Variants in KIRREL3 observed in about 807,000 individuals in gnomAD.
KIRREL3 encodes kin of IRRE-like protein 3.
KIRREL3 carries 36 observed loss-of-function variants against 89.7 expected under a neutral mutation model. That is an observed-to-expected ratio of 0.40 (90% CI 0.31 to 0.53). KIRREL3 has a LOEUF of 0.53. Among genes scored for constraint, KIRREL3 ranks in the 20% least tolerant of loss-of-function variants. The pLI is 0.49. For missense variants in KIRREL3, 864 were observed against 1,056.6 expected (o/e 0.82, Z 2.53); for synonymous variants, 445 against 441.4 (o/e 1.01, Z -0.10).
chr11:126,525,359 G>A lies in KIRREL3; in HGVS notation c.283+1179C>T, dbSNP rs1958717894. Among the ~76,000 whole-genome samples the A allele has an allele frequency of 1.3e-5, 2 of 152,208 alleles. No individual in the cohort carries two copies. The highest frequency in any genetic ancestry group is 1.3e-4 in the Admixed American group (2 of 15,286). Reference sequence around the variant, plus strand: ...TAGGGTAAAGGCGTTCGGAGTCTCTGAAATTGGCTGGTTCCCATAACAGTT... The same window carrying A: ...TAGGGTAAAGGCGTTCGGAGTCTCTAAAATTGGCTGGTTCCCATAACAGTT... On this transcript the variant is annotated intron_variant, in intron 3 of 16. Transcript: ENST00000525144. The surrounding 1 kb of genome is among the most constrained non-coding windows in gnomAD (Gnocchi z 5.4).
chr11:126,845,676 T>C (rs1183991883), intron 1 of KIRREL3, among the ~76,000 whole-genome samples: 3 of 152,186 alleles, frequency 2.0e-5, no homozygotes, highest in Non-Finnish European at 4.4e-5. Flanking sequence ...GCTTAGAGAA[T>C]GGGTTATTCT....
At position 126,459,990 on chromosome 11, in the gene KIRREL3, G is replaced by T. The variant is rs1158415133; in HGVS notation, c.742+3167C>A. Among the ~76,000 whole-genome samples the T allele has an allele frequency of 6.6e-6, 1 of 152,164 alleles. No homozygotes were observed. ...CTTTTGCTGAGTTTGGATGCTTCTTGGTTGACTGAGAAAATGAGCAGGTTC... is the reference window on the plus strand; with the variant it reads ...CTTTTGCTGAGTTTGGATGCTTCTTTGTTGACTGAGAAAATGAGCAGGTTC... On this transcript the variant is annotated intron_variant, in intron 6 of 16. Coordinates refer to ENST00000525144, the MANE Select transcript of KIRREL3 (RefSeq NM_032531.4). The surrounding 1 kb of genome is among the most constrained non-coding windows in gnomAD (Gnocchi z 4.8).
In KIRREL3 at chr11:126,995,207, C is replaced by T; in HGVS notation, c.55+5248G>A. ...CCCCCAGAGCAGCTGCTCCCACCGA[C>T]CCTGCTCCAAGAGTGCTGGGATGTC... is the stretch of plus-strand genomic sequence containing the variant. On this transcript the variant is annotated intron_variant, in intron 1 of 16. Transcript: ENST00000525144. This position sits in a 1 kb window ranked among gnomAD's most constrained non-coding sequence, Gnocchi z 6.5. 2.2e-6 allele frequency: 1 copy of T among 456,230 alleles called. No individual in the cohort carries two copies. The highest frequency in any genetic ancestry group is 4.4e-6 in the Non-Finnish European group (1 of 226,958). The allele number at this position is 456,230 out of a possible 1,614,324, so 28.3% of individuals were successfully genotyped here.
In KIRREL3 at chr11:126,748,772, A is replaced by G. The variant is rs1209040470; in HGVS notation, c.56-185860T>C. 6.6e-6 allele frequency among the ~76,000 whole-genome samples: 1 copy of G among 152,194 alleles called. No individual in the cohort carries two copies. Among genetic ancestry groups the G allele is most frequent in the Non-Finnish European group, 1.5e-5 (1 of 68,026 alleles). On this transcript the variant is annotated intron_variant, in intron 1 of 16. Coordinates refer to ENST00000525144, the MANE Select transcript of KIRREL3 (RefSeq NM_032531.4). This position sits in a 1 kb window ranked among gnomAD's most constrained non-coding sequence, Gnocchi z 4.6. The stretch of plus-strand genomic sequence containing the variant: ...GTGATAAAAGCCTCTCTGCCCACCG[A>G]AACTGTGCATGGGATCCTTTTGTAA...
At chr11:126,503,708 A>T (rs1199315484) in intron 4 of KIRREL3, among the ~76,000 whole-genome samples, 1 of 152,174 alleles carries the variant, frequency 6.6e-6, no homozygotes, top group Non-Finnish European at 1.5e-5. Context: ...AATTAAGCTC[A>T]TCAGGGTGGA....
rs561558109 is a variant in KIRREL3, at chr11:126,609,317, G to A, written c.56-46405C>T. On this transcript the variant is annotated intron_variant, in intron 1 of 16. Coordinates refer to ENST00000525144, the MANE Select transcript of KIRREL3 (RefSeq NM_032531.4). The surrounding 1 kb of genome is among the most constrained non-coding windows in gnomAD (Gnocchi z 5.0). ...GAGGGCTAATGTATGTCTTCCCCCC[G>A]GGCTGGTGGCTGGGTTAATTGGACC... Among the ~76,000 whole-genome samples, 20 of 152,248 alleles carry A rather than the reference G, an allele frequency of 1.3e-4. No homozygotes were observed. Among genetic ancestry groups the A allele is most frequent in the African/African-American group, 3.9e-4 (16 of 41,542 alleles).
chr11:126,827,125 AC>A (rs1341199051), intron 1 of KIRREL3, among the ~76,000 whole-genome samples: 5 of 150,888 alleles, frequency 3.3e-5, no homozygotes, highest in African/African-American at 1.2e-4. Context: ...AATGACATTC[AC>A]CCCTCAGAGC....
intron 1 of KIRREL3, among the ~76,000 whole-genome samples, chr11:126,582,435 T>G (rs150369201): frequency 6.6e-6 from 1 of 152,288 alleles, no homozygotes; most frequent in East Asian, 1.9e-4. Flanking sequence ...GAAGCAATAA[T>G]CCAGACACGG....
rs1228556668 is a variant in KIRREL3 at position 126,491,380 on chromosome 11, G to C, written c.434-17914C>G. On this transcript the variant is annotated intron_variant, in intron 4 of 16. Transcript: ENST00000525144. This position sits in a 1 kb window ranked among gnomAD's most constrained non-coding sequence, Gnocchi z 5.5. Reference sequence around the variant, plus strand: ...ATGGGTGGGGACACTTGCTCTCAGGGGGAAAGAAAGCGCCCTCTCTTCCTG... The same window carrying C: ...ATGGGTGGGGACACTTGCTCTCAGGCGGAAAGAAAGCGCCCTCTCTTCCTG... Among the ~76,000 whole-genome samples the C allele has an allele frequency of 2.6e-5, 4 of 152,188 alleles. No individual in the cohort carries two copies. The highest frequency in any genetic ancestry group is 1.3e-4 in the Admixed American group (2 of 15,284).
intron 1 of KIRREL3, among the ~76,000 whole-genome samples, chr11:126,914,571 C>T (rs1424980968): frequency 1.3e-5 from 2 of 152,190 alleles, no homozygotes; most frequent in African/African-American, 4.8e-5. Flanking sequence ...ATAGAGTTAA[C>T]AGCAGACAGG....
chr11:126,610,492 C>A lies in KIRREL3; in HGVS notation c.56-47580G>T, dbSNP rs1050310512. Among the ~76,000 whole-genome samples the A allele has an allele frequency of 6.6e-6, 1 of 152,210 alleles. No homozygotes were observed. The highest frequency in any genetic ancestry group is 1.5e-5 in the Non-Finnish European group (1 of 68,044). The stretch of plus-strand genomic sequence containing the variant: ...GGACATACTTAGGATGATAGACTAA[C>A]CTGGCCCAGCCTGCAACCTCATGGG... On this transcript the variant is annotated intron_variant, in intron 1 of 16. Transcript: ENST00000525144. This position sits in a 1 kb window ranked among gnomAD's most constrained non-coding sequence, Gnocchi z 4.6.
At chr11:126,942,227 G>A (rs1422150551) in intron 1 of KIRREL3, among the ~76,000 whole-genome samples, 1 of 152,062 alleles carries the variant, frequency 6.6e-6, no homozygotes, top group African/African-American at 2.4e-5. Flanking sequence ...TAATAAAATT[G>A]GAATAATAGT....
Position 126,718,348 on chromosome 11 carries a change from G to A in KIRREL3, c.56-155436C>T, listed in dbSNP as rs181018736. Among the ~76,000 whole-genome samples, 219 of 151,448 alleles carry A rather than the reference G, an allele frequency of 1.4e-3. 3 individuals carry two copies. Among genetic ancestry groups the A allele is most frequent in the African/African-American group, 5.0e-3 (206 of 40,928 alleles). On this transcript the variant is annotated intron_variant, in intron 1 of 16. Coordinates refer to ENST00000525144, the MANE Select transcript of KIRREL3 (RefSeq NM_032531.4). ...AGATCCTAGCTGCATGCAGGTGCAAGTTGCGGAACCCAACTCCAAGAGGCT... is the reference window on the plus strand; with the variant it reads ...AGATCCTAGCTGCATGCAGGTGCAAATTGCGGAACCCAACTCCAAGAGGCT...
At position 126,551,619 on chromosome 11, in the gene KIRREL3, G is replaced by A. The variant is rs1939268960; in HGVS notation, c.133+11216C>T. ...GTCCAGTGCACTGTATTGCATGAAT[G>A]TCTCCCAGGGTGAGGCCACTCAGGT... is the stretch of plus-strand genomic sequence containing the variant. On this transcript the variant is annotated intron_variant, in intron 2 of 16. Transcript: ENST00000525144. This position sits in a 1 kb window ranked among gnomAD's most constrained non-coding sequence, Gnocchi z 4.9. Among the ~76,000 whole-genome samples, 1 of 150,632 alleles carries A rather than the reference G, an allele frequency of 6.6e-6. No individual in the cohort carries two copies. The highest frequency in any genetic ancestry group is 6.6e-5 in the Admixed American group (1 of 15,148).
Position 126,805,101 on chromosome 11 carries a change from T to G in KIRREL3, c.55+195354A>C, listed in dbSNP as rs1185622615. ...GTAACCTGCAATGTTTTCGTAGGTGTGTGGTAACCTGCAATGAAGGAGTTA... is the reference window on the plus strand; with the variant it reads ...GTAACCTGCAATGTTTTCGTAGGTGGGTGGTAACCTGCAATGAAGGAGTTA... On this transcript the variant is annotated intron_variant, in intron 1 of 16. Coordinates refer to ENST00000525144, the MANE Select transcript of KIRREL3 (RefSeq NM_032531.4). This position sits in a 1 kb window ranked among gnomAD's most constrained non-coding sequence, Gnocchi z 4.3. Among the ~76,000 whole-genome samples the G allele has an allele frequency of 5.3e-5, 8 of 152,124 alleles. No homozygotes were observed. Among genetic ancestry groups the G allele is most frequent in the African/African-American group, 1.9e-4 (8 of 41,392 alleles).
chr11:126,709,667 G>A lies in KIRREL3; in HGVS notation c.56-146755C>T, dbSNP rs2134140393. 6.6e-6 allele frequency among the ~76,000 whole-genome samples: 1 copy of A among 152,272 alleles called. No homozygotes were observed. The highest frequency in any genetic ancestry group is 1.5e-5 in the Non-Finnish European group (1 of 68,024). On this transcript the variant is annotated intron_variant, in intron 1 of 16. Coordinates refer to ENST00000525144, the MANE Select transcript of KIRREL3 (RefSeq NM_032531.4). This position sits in a 1 kb window ranked among gnomAD's most constrained non-coding sequence, Gnocchi z 4.0. ...AGAGGGAAGACCATGTGAAGATGAG[G>A]GAAGGCAGACATCTATAAGCCAAGG...
At chr11:126,721,617 C>T (rs555277891) in intron 1 of KIRREL3, among the ~76,000 whole-genome samples, 1 of 152,218 alleles carries the variant, frequency 6.6e-6, no homozygotes, top group Admixed American at 6.5e-5. Flanking sequence ...AGAGTAGGTG[C>T]CTCTCTGGCA....
Position 126,763,849 on chromosome 11 carries a change from A to T in KIRREL3, c.56-200937T>A, listed in dbSNP as rs1467931582. Among the ~76,000 whole-genome samples the T allele has an allele frequency of 6.6e-6, 1 of 152,182 alleles. No individual in the cohort carries two copies. The highest frequency in any genetic ancestry group is 1.9e-4 in the East Asian group (1 of 5,198). ...TGTCCCCTCTCCTTTCCTACTTTGA[A>T]AACAGCAGTCTGTCTCATTAAGTAT... On this transcript the variant is annotated intron_variant, in intron 1 of 16. Transcript: ENST00000525144. This position sits in a 1 kb window ranked among gnomAD's most constrained non-coding sequence, Gnocchi z 4.7.
intron 1 of KIRREL3, among the ~76,000 whole-genome samples, chr11:126,901,670 A>G (rs1266215520): frequency 6.6e-6 from 1 of 152,216 alleles, no homozygotes; most frequent in Admixed American, 6.5e-5. Context: ...GCCATCATAT[A>G]TGATGTCCAC....
Sources: gnomAD v4.1 joint callset for allele counts (sites outside exome capture counted in the v4.1 genomes callset) on GRCh38, gnomAD v4.1.1 for gene constraint, Gnocchi (gnomAD v3.1) non-coding constraint, MANE v1.5 for transcripts, NCBI Gene and HGNC (gene_info 2026-07-23, HGNC 2026-07-21) for gene names.